MDFIC: variants seen among roughly 807,000 people sequenced by gnomAD.
MDFIC encodes the protein myoD family inhibitor domain-containing protein.
Under a neutral mutation model 23.2 loss-of-function variants are expected in MDFIC, and 17 were observed. The ratio of observed to expected loss-of-function variants is 0.73; its 90% confidence interval spans 0.50 to 1.10. The LOEUF is 1.10. Among genes scored for constraint, MDFIC ranks in the 50% least tolerant of loss-of-function variants. The pLI is 0.00. For missense variants in MDFIC, 356 were observed against 316.6 expected (o/e 1.12, Z -0.95); for synonymous variants, 120 against 115.2 (o/e 1.04, Z -0.27).
intron 2 of MDFIC, among the ~76,000 whole-genome samples, chr7:114,939,771 A>G (rs1045814921): frequency 1.1e-4 from 17 of 152,232 alleles, no homozygotes; most frequent in Non-Finnish European, 2.1e-4. Context: ...GCAATGCTTC[A>G]TAATGCCTTG....
At chr7:114,952,609 G>A (rs2115819484) in intron 3 of MDFIC, among the ~76,000 whole-genome samples, 1 of 152,238 alleles carries the variant, frequency 6.6e-6, no homozygotes, top group East Asian at 1.9e-4. Flanking sequence ...CCATAGAAGA[G>A]AGTAGGTGGA....
chr7:114,967,009 G>T, intron 3 of MDFIC, among the ~76,000 whole-genome samples: 2 of 152,222 alleles, frequency 1.3e-5, no homozygotes, highest in Middle Eastern at 6.8e-3. Flanking sequence ...GAGCAAATAT[G>T]TAAAAAGTTC....
chr7:115,007,501 C>G (rs979682095), intron 4 of MDFIC, among the ~76,000 whole-genome samples: 1 of 151,378 alleles, frequency 6.6e-6, no homozygotes, highest in Non-Finnish European at 1.5e-5. Flanking sequence ...AACTGACTTT[C>G]TGGGTAAAAA....
In MDFIC at chr7:114,922,520, T is replaced by C. The variant is rs200906791; in HGVS notation, c.-224T>C. On this transcript the variant is annotated 5_prime_UTR_variant, in exon 1 of 5. Coordinates refer to ENST00000393486, the MANE Select transcript of MDFIC (RefSeq NM_001166345.3). ...GGACGCGCAGGGGCGGCCGCCGCCG[T>C]CGTCAGGCCACCGGGGCGAAAATGC... The C allele has an allele frequency of 4.0e-4, 506 of 1,259,944 alleles. 1 individual carries two copies. In the African/African-American group the frequency reaches 6.4e-3, roughly 16 times the overall value. The allele number at this position is 1,259,944 out of a possible 1,614,324, so 78.0% of individuals were successfully genotyped here. A position where few individuals can be genotyped will look rare whatever the true frequency, so the allele number is the denominator to read the frequency against.
At chr7:114,977,716 A>G (rs1261823802) in intron 3 of MDFIC, among the ~76,000 whole-genome samples, 1 of 151,988 alleles carries the variant, frequency 6.6e-6, no homozygotes, top group Non-Finnish European at 1.5e-5. Flanking sequence ...CTAAAAAATC[A>G]TATTTGTTTG....
chr7:115,005,930 C>T (rs1437311214), intron 4 of MDFIC, among the ~76,000 whole-genome samples: 2 of 152,180 alleles, frequency 1.3e-5, no homozygotes, highest in Non-Finnish European at 2.9e-5. Context: ...ACCTCCTGTG[C>T]ACTGCTTTGA....
At chr7:114,973,580 A>G (rs1585109102) in intron 3 of MDFIC, among the ~76,000 whole-genome samples, 2 of 152,172 alleles carry the variant, frequency 1.3e-5, no homozygotes, top group Non-Finnish European at 2.9e-5. Flanking sequence ...TTGGAGAAGA[A>G]TCTCTTACTC....
chr7:114,952,349 G>A (rs113160021), intron 3 of MDFIC, among the ~76,000 whole-genome samples: 6,116 of 152,076 alleles, frequency 0.04, 166 homozygotes, highest in Non-Finnish European at 0.059. Flanking sequence ...GTAGGGGTCC[G>A]TCAGAATGAG....
chr7:114,981,588 A>T lies in MDFIC; in HGVS notation c.493+1807A>T, dbSNP rs77503901. The stretch of plus-strand genomic sequence containing the variant: ...AGGGAAGTCCCTTGTAATCTGTGTA[A>T]TCTGCTTTTATCACAAAATATGTTC... On this transcript the variant is annotated intron_variant, in intron 4 of 4. Transcript: ENST00000393486. Among the ~76,000 whole-genome samples the T allele has an allele frequency of 4.8e-3, 725 of 152,246 alleles. 4 individuals are homozygous for T. Among genetic ancestry groups the T allele is most frequent in the African/African-American group, 0.016 (657 of 41,544 alleles).
At chr7:114,983,684 C>T (rs1793458020) in intron 4 of MDFIC, among the ~76,000 whole-genome samples, 1 of 150,924 alleles carries the variant, frequency 6.6e-6, no homozygotes, top group African/African-American at 2.4e-5. Context: ...TCGCCTGCCT[C>T]AGCCTCCTGA....
intron 2 of MDFIC, among the ~76,000 whole-genome samples, chr7:114,941,391 A>G (rs1342679261): frequency 1.3e-5 from 2 of 152,196 alleles, no homozygotes; most frequent in Non-Finnish European, 2.9e-5. Context: ...TTTGCCACTC[A>G]TAGTACTTCA....
At chr7:114,950,729 A>G (rs189583145) in intron 3 of MDFIC, among the ~76,000 whole-genome samples, 51 of 152,326 alleles carry the variant, frequency 3.3e-4, no homozygotes, top group African/African-American at 1.2e-3. Context: ...TAAAAGTGCT[A>G]TAATCAGAAA....
At chr7:115,014,191 C>T (rs1051037279) in intron 4 of MDFIC, 1 of 985,224 alleles carries the variant, frequency 1.0e-6, no homozygotes, top group Non-Finnish European at 1.2e-6. Flanking sequence ...TTAGAGACTG[C>T]AGAGAAACAG....
At chr7:114,937,620 A>C (rs1792452232) in intron 2 of MDFIC, among the ~76,000 whole-genome samples, 1 of 152,222 alleles carries the variant, frequency 6.6e-6, no homozygotes, top group African/African-American at 2.4e-5. Flanking sequence ...CCTTTGAGCC[A>C]GAATTATGAC....
intron 2 of MDFIC, among the ~76,000 whole-genome samples, chr7:114,934,678 A>G (rs995765031): frequency 1.3e-5 from 2 of 152,238 alleles, no homozygotes; most frequent in African/African-American, 4.8e-5. Flanking sequence ...TACTGATAAC[A>G]ATGAATTAAA....
chr7:115,011,948 C>T (rs900260615), intron 4 of MDFIC, among the ~76,000 whole-genome samples: 3 of 152,198 alleles, frequency 2.0e-5, no homozygotes, highest in Admixed American at 2.0e-4. Flanking sequence ...TTTCATTCTG[C>T]TATCAAATCT....
At chr7:114,938,903 C>T (rs372511097) in intron 2 of MDFIC, among the ~76,000 whole-genome samples, 1 of 152,206 alleles carries the variant, frequency 6.6e-6, no homozygotes, top group East Asian at 1.9e-4. Context: ...ACATGAAAAA[C>T]CTACTCTGAT....
chr7:114,935,026 A>G (rs185467515), intron 2 of MDFIC, among the ~76,000 whole-genome samples: 130 of 152,234 alleles, frequency 8.5e-4, no homozygotes, highest in African/African-American at 3.0e-3. Flanking sequence ...TACAGTTGGG[A>G]AACATTAGCA....
At chr7:115,014,010 G>C in intron 4 of MDFIC, 1 of 985,384 alleles carries the variant, frequency 1.0e-6, no homozygotes, top group Non-Finnish European at 1.2e-6. Context: ...GTAAAAGTGG[G>C]CTTGGCACTA....
Sources: gnomAD v4.1 joint callset for allele counts (sites outside exome capture counted in the v4.1 genomes callset) on GRCh38, gnomAD v4.1.1 for gene constraint, MANE v1.5 for transcripts, NCBI Gene and HGNC (gene_info 2026-07-23, HGNC 2026-07-21) for gene names.